HK1: variants seen among roughly 807,000 people sequenced by gnomAD.
HK1 encodes hexokinase-1.
A neutral mutation model predicts 91.6 loss-of-function variants in HK1; 28 were observed. That is an observed-to-expected ratio of 0.31 (90% confidence interval 0.23 to 0.42). The LOEUF (loss-of-function observed/expected upper bound fraction) is 0.42. HK1 is among the 10% of genes least tolerant of loss of function. The pLI, the probability that HK1 is intolerant of heterozygous loss-of-function variation, is 1.00. For synonymous variants in HK1, 430 were observed against 468.1 expected, an observed-to-expected ratio of 0.92 and a Z score of 1.05; for missense variants, 770 against 1,219.8, an observed-to-expected ratio of 0.63 and a Z score of 5.49.
At chr10:69,345,683 AG>A (rs889113237) in intron 2 of HK1, among the ~76,000 whole-genome samples, 7 of 152,004 alleles carry the variant, frequency 4.6e-5, no homozygotes, top group African/African-American at 1.7e-4. Flanking sequence ...ACAGGGGAGG[AG>A]ACACTTTGCC....
rs889643079 is a variant in HK1 at position 69,396,321 on chromosome 10, C to CA, written c.2375+1225dup. On this transcript the variant is annotated intron_variant, in intron 16 of 17. Transcript: ENST00000359426. Reference sequence around the variant, plus strand: ...AAGAAAAAAAATATTAAACCTTAAACAAAAAAAAACCTAACAAGCCTATAC... The same window carrying CA: ...AAGAAAAAAAATATTAAACCTTAAACAAAAAAAAAACCTAACAAGCCTATAC... 3.7e-4 allele frequency among the ~76,000 whole-genome samples: 54 copies of CA among 146,648 alleles called. No homozygotes were observed. In the East Asian group the frequency reaches 5.8e-3, roughly 16 times the overall value.
intron 2 of HK1, among the ~76,000 whole-genome samples, chr10:69,287,727 C>T (rs1428791150): frequency 6.6e-6 from 1 of 152,086 alleles, no homozygotes; most frequent in African/African-American, 2.4e-5. Flanking sequence ...CTGAATTATA[C>T]ACTTTAAAGG....
At chr10:69,395,256 A>T in intron 16 of HK1, 151 bp downstream of exon 16, 1 of 685,538 alleles carries the variant, frequency 1.5e-6, no homozygotes, top group East Asian at 2.7e-5. Flanking sequence ...GGGCATTTGC[A>T]TAGTGAAATC....
At chr10:69,377,955 G>A (rs1028910172) in intron 8 of HK1, among the ~76,000 whole-genome samples, 5 of 152,208 alleles carry the variant, frequency 3.3e-5, no homozygotes, top group South Asian at 2.1e-4. Context: ...CAAGAAACCC[G>A]GGATTCTCTG....
At chr10:69,313,540 A>G (rs1368972479), upstream of HK1, among the ~76,000 whole-genome samples, 1 of 152,050 alleles carries the variant, frequency 6.6e-6, no homozygotes, top group African/African-American at 2.4e-5. Context: ...TCGGCTCACC[A>G]CAACCTCTGC....
chr10:69,318,134 G>A (rs957764282), upstream of HK1: 5 of 985,346 alleles, frequency 5.1e-6, no homozygotes, highest in South Asian at 4.7e-5. Context: ...TCGGGGGCGG[G>A]TGCTCTGGGG....
rs942485495 is a variant in HK1 at position 69,380,176 on chromosome 10, C to T, written c.1265+81C>T. The T allele has an allele frequency of 2.2e-5, 26 of 1,168,974 alleles. No individual in the cohort carries two copies. The highest frequency in any genetic ancestry group is 1.9e-4 in the Middle Eastern group (1 of 5,242). The allele number at this position is 1,168,974 out of a possible 1,614,324, so 72.4% of individuals were successfully genotyped here. On this transcript the variant is annotated intron_variant, in intron 9 of 17. Transcript: ENST00000359426. This position sits in a 1 kb window ranked among gnomAD's most constrained non-coding sequence, Gnocchi z 4.0. Reference sequence around the variant, plus strand: ...TCTCCAGAGATCAGACTTTTGTACCCGGTAAACGTTTTTCGGCAGACAAGA... The same window carrying T: ...TCTCCAGAGATCAGACTTTTGTACCTGGTAAACGTTTTTCGGCAGACAAGA...
chr10:69,376,510 A>T (rs913228786), intron 7 of HK1, among the ~76,000 whole-genome samples: 1 of 152,230 alleles, frequency 6.6e-6, no homozygotes, highest in African/African-American at 2.4e-5. Flanking sequence ...TCAAAAAATA[A>T]ATAAATAAGT....
chr10:69,391,111 A>G (rs1482284953), intron 14 of HK1, among the ~76,000 whole-genome samples: 2 of 152,212 alleles, frequency 1.3e-5, no homozygotes, highest in Non-Finnish European at 2.9e-5. Context: ...CCTGGCAAGC[A>G]TATGTCAGGT....
intron 3 of HK1, chr10:69,288,832 G>C: frequency 6.9e-7 from 1 of 1,441,218 alleles, no homozygotes; most frequent in Non-Finnish European, 9.7e-7. Context: ...CATCGCCCAG[G>C]CTGGAGTGTA....
upstream of HK1, chr10:69,315,885 T>C (rs2132551405): frequency 6.7e-7 from 1 of 1,495,272 alleles, no homozygotes; most frequent in Non-Finnish European, 9.3e-7. Flanking sequence ...AACCTGACAC[T>C]GGGCAAGATG....
chr10:69,352,457 C>T (rs1472726231), intron 2 of HK1, among the ~76,000 whole-genome samples: 1 of 152,206 alleles, frequency 6.6e-6, no homozygotes, highest in Non-Finnish European at 1.5e-5. Context: ...CCCTTGTTCT[C>T]TCTCTTTCCT....
chr10:69,377,000 C>T lies in HK1; in HGVS notation c.942C>T (p.Ala314=), dbSNP rs780601228. The T allele has an allele frequency of 5.0e-6, 8 of 1,614,018 alleles. No homozygotes were observed. The highest frequency in any genetic ancestry group is 5.1e-6 in the Non-Finnish European group (6 of 1,180,036). The part of the protein sequence containing the change: ...ELVRLILVKM[A]KEGLLFEGRI... ...TTCGACTGATCCTAGTCAAGATGGC[C>T]AAGGAGGGCCTCTTATTTGAAGGGC... Residue 314 remains alanine (A), a synonymous_variant, in exon 8 of 18, where the codon GCC becomes GCT. Coordinates refer to ENST00000359426, the MANE Select transcript of HK1 (RefSeq NM_000188.3).
At chr10:69,298,837 T>C (rs1258937599) in intron 4 of HK1, among the ~76,000 whole-genome samples, 1 of 151,972 alleles carries the variant, frequency 6.6e-6, no homozygotes, top group Non-Finnish European at 1.5e-5. Context: ...ACATATGATA[T>C]TGTTAATGAT....
chr10:69,381,546 C>CTT (rs35306200), intron 9 of HK1, among the ~76,000 whole-genome samples: 4,421 of 132,172 alleles, frequency 0.033, 322 homozygotes, highest in African/African-American at 0.12. Flanking sequence ...TCATCTTAAC[C>CTT]TTTTTTTTTT....
upstream of HK1, among the ~76,000 whole-genome samples, chr10:69,311,821 G>T (rs973240827): frequency 7.2e-5 from 11 of 152,140 alleles, no homozygotes; most frequent in African/African-American, 2.7e-4. Context: ...GTTTTTAGTA[G>T]AGATGGGATT....
intron 1 of HK1, among the ~76,000 whole-genome samples, chr10:69,320,923 G>GC (rs1743684262): frequency 6.6e-6 from 1 of 152,048 alleles, no homozygotes; most frequent in Non-Finnish European, 1.5e-5. Context: ...TATCTCCTAG[G>GC]CCCCCGTAGG....
At chr10:69,386,239 G>C in intron 12 of HK1, 84 bp from the exon 13 acceptor site, 1 of 1,048,836 alleles carries the variant, frequency 9.5e-7, no homozygotes, top group Non-Finnish European at 1.5e-6. Flanking sequence ...AGCAGTTGTT[G>C]ACTCAGGAGG....
intron 15 of HK1, among the ~76,000 whole-genome samples, chr10:69,392,622 G>T (rs1389106244): frequency 6.6e-6 from 1 of 152,190 alleles, no homozygotes; most frequent in Non-Finnish European, 1.5e-5. Context: ...TAACAAGGGG[G>T]TGGGGTGAGG....
Sources: gnomAD v4.1 joint callset for allele counts (sites outside exome capture counted in the v4.1 genomes callset) on GRCh38, gnomAD v4.1.1 for gene constraint, Gnocchi (gnomAD v3.1) non-coding constraint, MANE v1.5 for transcripts, NCBI Gene and HGNC (gene_info 2026-07-23, HGNC 2026-07-21) for gene names.